HMGN3: variants seen among roughly 807,000 people sequenced by gnomAD.
HMGN3 encodes high mobility group nucleosomal binding domain 3, also known as high mobility group nucleosome-binding domain-containing protein 3.
Under a neutral mutation model 18.8 loss-of-function variants are expected in HMGN3, and 6 were observed. The observed-to-expected ratio is 0.32, with a 90% CI of 0.18 to 0.63. The LOEUF (loss-of-function observed/expected upper bound fraction) is 0.63, where lower values mean the gene tolerates loss of function less well. Among genes scored for constraint, HMGN3 ranks in the 30% least tolerant of loss-of-function variants. The probability of loss-of-function intolerance (pLI) is 0.79; values close to 1 mark genes in which losing one functional copy is unlikely to be tolerated. For synonymous variants in HMGN3, 40 were observed against 36.5 expected (o/e 1.10, Z -0.35); for missense variants, 107 against 114.2 (o/e 0.94, Z 0.29).
intron 2 of HMGN3, among the ~76,000 whole-genome samples, chr6:79,209,857 A>G (rs887780383): frequency 6.6e-6 from 1 of 152,232 alleles, no homozygotes; most frequent in Non-Finnish European, 1.5e-5. Flanking sequence ...GAAGGGCCAG[A>G]GCCTCCATGA....
intron 1 of HMGN3, among the ~76,000 whole-genome samples, chr6:79,231,619 T>G (rs1023024397): frequency 6.6e-6 from 1 of 152,188 alleles, no homozygotes; most frequent in African/African-American, 2.4e-5. Flanking sequence ...TAATATTAAT[T>G]CAGATGATAT....
chr6:79,219,468 A>G (rs905599140), intron 1 of HMGN3, among the ~76,000 whole-genome samples: 14 of 152,284 alleles, frequency 9.2e-5, no homozygotes, highest in African/African-American at 3.1e-4. Flanking sequence ...ATTTAGTAAT[A>G]AGAAAAACAA....
At position 79,203,518 on chromosome 6, in the gene HMGN3, G is replaced by A. The variant is rs932303554; in HGVS notation, c.147+62C>T. On this transcript the variant is annotated intron_variant, in intron 4 of 5. Coordinates refer to ENST00000344726, the Ensembl canonical transcript of HMGN3. ...ACGGCCTTTCTTTGAATGATTCTGA[G>A]GTAGGGAATTATAATTTATTCATTG... 4 of 1,278,552 alleles carry A rather than the reference G, an allele frequency of 3.1e-6. No homozygotes were observed. In the African/African-American group the frequency reaches 5.9e-5, roughly 19 times the overall value. 79.2% of individuals were successfully genotyped at this position (1,278,552 alleles called of 1,614,324 possible).
intron 2 of HMGN3, among the ~76,000 whole-genome samples, chr6:79,213,354 G>A (rs1776794429): frequency 6.6e-6 from 1 of 152,216 alleles, no homozygotes; most frequent in African/African-American, 2.4e-5. Context: ...TACTTTTGGT[G>A]TAGTGGGATT....
chr6:79,232,195 T>C (rs1188553851), intron 1 of HMGN3, among the ~76,000 whole-genome samples: 1 of 152,236 alleles, frequency 6.6e-6, no homozygotes, highest in East Asian at 1.9e-4. Context: ...TTTGAAGATC[T>C]TGAAGAGCTA....
intron 3 of HMGN3, among the ~76,000 whole-genome samples, chr6:79,203,967 C>G (rs770848662): frequency 2.0e-5 from 3 of 152,250 alleles, no homozygotes; most frequent in Non-Finnish European, 4.4e-5. Context: ...AGAGGAATGA[C>G]TCAGGCCCAT....
chr6:79,233,625 C>A (rs1009175647), intron 1 of HMGN3: 4 of 152,292 alleles, frequency 2.6e-5, no homozygotes, highest in Admixed American at 2.0e-4. Flanking sequence ...CTTCCCTCCC[C>A]GGGACAAGTC....
At chr6:79,228,795 G>A (rs1443176783) in intron 1 of HMGN3, among the ~76,000 whole-genome samples, 1 of 152,154 alleles carries the variant, frequency 6.6e-6, no homozygotes, top group Non-Finnish European at 1.5e-5. Flanking sequence ...TCAAACTCCT[G>A]ACCTCAAGTG....
At chr6:79,209,338 T>C (rs1776570587) in intron 2 of HMGN3, among the ~76,000 whole-genome samples, 2 of 152,208 alleles carry the variant, frequency 1.3e-5, no homozygotes, top group South Asian at 4.1e-4. Flanking sequence ...CCTAGGCATT[T>C]CAGCAATAAC....
intron 1 of HMGN3, among the ~76,000 whole-genome samples, chr6:79,223,259 C>CT (rs369210260): frequency 6.6e-6 from 1 of 152,176 alleles, no homozygotes; most frequent in African/African-American, 2.4e-5. Context: ...GGCCTATAAT[C>CT]TTAGCACTTT....
intron 1 of HMGN3, among the ~76,000 whole-genome samples, chr6:79,231,967 T>C (rs1311114668): frequency 6.6e-6 from 1 of 152,222 alleles, no homozygotes; most frequent in African/African-American, 2.4e-5. Flanking sequence ...GATGTTTTCA[T>C]TGACTTTATC....
chr6:79,227,721 C>G (rs1265041755), intron 1 of HMGN3, among the ~76,000 whole-genome samples: 1 of 152,132 alleles, frequency 6.6e-6, no homozygotes, highest in Non-Finnish European at 1.5e-5. Flanking sequence ...GATCATATAG[C>G]TAATAAACAG....
exon 1 of HMGN3, chr6:79,234,675 G>C: frequency 9.8e-7 from 1 of 1,025,216 alleles, no homozygotes; most frequent in East Asian, 2.4e-5. Flanking sequence ...ACGTAGCCCG[G>C]CCTCTTCGAC....
intron 4 of HMGN3, 66 bp from the exon 5 acceptor site, chr6:79,202,455 T>C: frequency 8.0e-7 from 1 of 1,255,212 alleles, no homozygotes; most frequent in Non-Finnish European, 1.2e-6. Flanking sequence ...CTAAAATCAA[T>C]CAGCCTCTGT....
At chr6:79,219,375 A>C (rs1031961571) in intron 1 of HMGN3, among the ~76,000 whole-genome samples, 1 of 152,182 alleles carries the variant, frequency 6.6e-6, no homozygotes, top group Non-Finnish European at 1.5e-5. Flanking sequence ...GGCAAAATAA[A>C]GCCATTTCAG....
intron 1 of HMGN3, among the ~76,000 whole-genome samples, chr6:79,228,048 G>A (rs1037283389): frequency 6.6e-6 from 1 of 152,158 alleles, no homozygotes; most frequent in African/African-American, 2.4e-5. Context: ...GTGGTTAAAA[G>A]CTATAACCCC....
At chr6:79,203,494 C>T (rs552156222) in intron 4 of HMGN3, 86 bp downstream of exon 4, 459 of 1,134,650 alleles carry the variant, frequency 4.0e-4, no homozygotes, top group Non-Finnish European at 5.2e-4. Flanking sequence ...TCATTAAATA[C>T]GGCCTTTCTT....
intron 2 of HMGN3, among the ~76,000 whole-genome samples, chr6:79,214,704 T>C (rs1401073858): frequency 6.6e-6 from 1 of 152,188 alleles, no homozygotes; most frequent in Non-Finnish European, 1.5e-5. Flanking sequence ...GTATCTGCTT[T>C]AACAGAAAGC....
chr6:79,208,755 C>T (rs907682995), intron 2 of HMGN3, among the ~76,000 whole-genome samples, 179 bp from the exon 3 acceptor site: 1 of 152,124 alleles, frequency 6.6e-6, no homozygotes, highest in South Asian at 2.1e-4. Context: ...CACGATGACA[C>T]TCAAGAGGAA....
Sources: allele counts gnomAD v4.1 joint callset (sites outside exome capture counted in the v4.1 genomes callset), GRCh38; gene constraint gnomAD v4.1.1; transcripts MANE v1.5; gene names NCBI Gene and HGNC (gene_info 2026-07-23, HGNC 2026-07-21).